The following SYT11 variants were observed in gnomAD, a reference collection of about 807,000 sequenced individuals.
SYT11 encodes synaptotagmin-11.
SYT11 carries 12 observed loss-of-function variants against 30.4 expected under a neutral mutation model. The observed-to-expected ratio is 0.39, with a 90% CI of 0.25 to 0.64. The LOEUF is 0.64. Ranked by LOEUF, SYT11 falls within the 30% of genes least tolerant of loss-of-function variation. SYT11 has a pLI of 0.45. For synonymous variants in SYT11, 204 were observed against 216.0 expected, an observed-to-expected ratio of 0.94 and a Z score of 0.49; for missense variants, 412 against 552.0, an observed-to-expected ratio of 0.75 and a Z score of 2.54.
At chr1:155,875,845 C>G (rs868591923) in intron 2 of SYT11, among the ~76,000 whole-genome samples, 6 of 152,284 alleles carry the variant, frequency 3.9e-5, no homozygotes, top group African/African-American at 1.4e-4. Flanking sequence ...AAAGCACAAA[C>G]TATTAGGCTT....
intron 1 of SYT11, among the ~76,000 whole-genome samples, 192 bp from the exon 2 acceptor site, chr1:155,867,773 G>A (rs893634941): frequency 9.2e-5 from 14 of 152,226 alleles, no homozygotes; most frequent in African/African-American, 1.2e-4. Context: ...AGGAAAAGCC[G>A]TGGAGTGGTT....
intron 2 of SYT11, 40 bp from the exon 3 acceptor site, chr1:155,880,460 C>T (rs374072157): frequency 2.9e-5 from 47 of 1,610,522 alleles, no homozygotes; most frequent in African/African-American, 2.7e-4. Context: ...CTGCCCTGCA[C>T]CCTCTGCCAG....
intron 2 of SYT11, among the ~76,000 whole-genome samples, chr1:155,874,613 G>A (rs920588358): frequency 6.7e-6 from 1 of 148,370 alleles, no homozygotes; most frequent in African/African-American, 2.5e-5. Context: ...AAATAAGGCC[G>A]GGCGCGGTGG....
Position 155,881,170 on chromosome 1 carries a change from C to A in SYT11, c.986-28C>A, listed in dbSNP as rs1172928831. 2.5e-6 allele frequency: 4 copies of A among 1,597,294 alleles called. No individual in the cohort carries two copies. The Admixed American group carries it at 6.9e-5, about 27-fold the overall frequency. ...AGGACTGTGTCATAGGTCTGTCTCC[C>A]TTTTTCTTATCTCTTTGGGGGCCCC... On this transcript the variant is annotated intron_variant, in intron 3 of 3. Coordinates refer to ENST00000368324, the MANE Select transcript of SYT11 (RefSeq NM_152280.5).
Position 155,868,820 on chromosome 1 carries a change from A to G in SYT11, c.861+29A>G. 1.3e-6 allele frequency: 2 copies of G among 1,583,844 alleles called. No individual in the cohort carries two copies. The highest frequency in any genetic ancestry group is 8.6e-7 in the Non-Finnish European group (1 of 1,160,440). On this transcript the variant is annotated intron_variant, in intron 2 of 3. Coordinates refer to ENST00000368324, the MANE Select transcript of SYT11 (RefSeq NM_152280.5). This position sits in a 1 kb window ranked among gnomAD's most constrained non-coding sequence, Gnocchi z 4.7. ...AGTAGGAAGTGTGTGTTGGGGAGCAATGGTAGGTTGGGGGAGAAAATATCT... is the reference window on the plus strand; with the variant it reads ...AGTAGGAAGTGTGTGTTGGGGAGCAGTGGTAGGTTGGGGGAGAAAATATCT...
intron 2 of SYT11, among the ~76,000 whole-genome samples, chr1:155,869,597 A>G (rs1375916876): frequency 6.6e-6 from 1 of 152,004 alleles, no homozygotes; most frequent in Non-Finnish European, 1.5e-5. Flanking sequence ...TCTTATGACC[A>G]TTTTACAATG....
Position 155,868,791 on chromosome 1 carries a change from G to T in SYT11, c.861G>T (p.Gln287His), listed in dbSNP as rs768542179. ...LTRDIIKRNI[Q>H]KCISRGELQV... Reference sequence around the variant, plus strand: ...GGGACATCATCAAAAGGAATATCCAGGTGAGTAGGAAGTGTGTGTTGGGGA... The same window carrying T: ...GGGACATCATCAAAAGGAATATCCATGTGAGTAGGAAGTGTGTGTTGGGGA... The change falls in exon 2 of 4, where the codon CAG becomes CAT. Residue 287 changes from glutamine to histidine, a missense_variant and splice_region_variant. Transcript: ENST00000368324. The surrounding 1 kb of genome is among the most constrained non-coding windows in gnomAD (Gnocchi z 4.7). 1 of 1,609,900 alleles carries T rather than the reference G, an allele frequency of 6.2e-7. No individual in the cohort carries two copies. The highest frequency in any genetic ancestry group is 8.5e-7 in the Non-Finnish European group (1 of 1,177,042).
intron 2 of SYT11, among the ~76,000 whole-genome samples, chr1:155,878,363 G>T (rs1395289594): frequency 1.3e-5 from 2 of 151,990 alleles, no homozygotes; most frequent in South Asian, 2.1e-4. Context: ...ACCTTTCCAG[G>T]TTCCTGACCT....
chr1:155,859,645 A>G lies in SYT11; in HGVS notation c.-117A>G. On this transcript the variant is annotated 5_prime_UTR_variant, in exon 1 of 4. Transcript: ENST00000368324. ...GACCGTCGCAGGAGGCGTCCGCTGG[A>G]TACCTTCCCCCTTCCCTGACCTAGA... 6 of 964,092 alleles carry G rather than the reference A, an allele frequency of 6.2e-6. No homozygotes were observed. The highest frequency in any genetic ancestry group is 1.0e-5 in the Non-Finnish European group (6 of 596,458). The allele number at this position is 964,092 out of a possible 1,614,324, so 59.7% of individuals were successfully genotyped here.
chr1:155,866,106 T>C (rs1030438240), intron 1 of SYT11, among the ~76,000 whole-genome samples: 5 of 123,516 alleles, frequency 4.0e-5, no homozygotes, highest in African/African-American at 1.4e-4. Context: ...TCTCTTTCTC[T>C]TTTTTTTTTC....
At chr1:155,867,683 A>G (rs1460125779) in intron 1 of SYT11, among the ~76,000 whole-genome samples, 2 of 152,214 alleles carry the variant, frequency 1.3e-5, no homozygotes, top group Non-Finnish European at 2.9e-5. Context: ...AACCAAGTCT[A>G]TAAGTGCTGA....
At chr1:155,877,526 A>G (rs1006035972) in intron 2 of SYT11, among the ~76,000 whole-genome samples, 3 of 151,470 alleles carry the variant, frequency 2.0e-5, no homozygotes, top group Non-Finnish European at 4.4e-5. Context: ...AGCTGGCTCT[A>G]TAGGCACACG....
In SYT11 at chr1:155,860,052, T is replaced by A. The variant is rs1353079323; in HGVS notation, c.34+257T>A. ...TCCAGGATGCTAAAACCTTGTATGG[T>A]GCACTGTCAGCACTGCTGGAGGTGA... is the stretch of plus-strand genomic sequence containing the variant. On this transcript the variant is annotated intron_variant, in intron 1 of 3. Transcript: ENST00000368324. The surrounding 1 kb of genome is among the most constrained non-coding windows in gnomAD (Gnocchi z 4.1). Among the ~76,000 whole-genome samples, 1 of 152,214 alleles carries A rather than the reference T, an allele frequency of 6.6e-6. No homozygotes were observed. Among genetic ancestry groups the A allele is most frequent in the East Asian group, 1.9e-4 (1 of 5,196 alleles).
intron 1 of SYT11, among the ~76,000 whole-genome samples, chr1:155,866,457 T>A (rs1223331802): frequency 6.6e-6 from 1 of 152,234 alleles, no homozygotes; most frequent in African/African-American, 2.4e-5. Flanking sequence ...ACATAGTGCC[T>A]GCTATGTGTT....
intron 2 of SYT11, among the ~76,000 whole-genome samples, chr1:155,879,098 G>C (rs1205005474): frequency 6.6e-6 from 1 of 151,874 alleles, no homozygotes; most frequent in South Asian, 2.1e-4. Flanking sequence ...CTGGCATGCA[G>C]TGCCTATGAA....
At chr1:155,879,280 G>T (rs1672923705) in intron 2 of SYT11, among the ~76,000 whole-genome samples, 2 of 152,080 alleles carry the variant, frequency 1.3e-5, no homozygotes, top group African/African-American at 4.8e-5. Flanking sequence ...AGCCGGGCAT[G>T]GTGGCGGGCA....
Position 155,859,925 on chromosome 1 carries a change from C to T in SYT11, c.34+130C>T. 6 of 910,950 alleles carry T rather than the reference C, an allele frequency of 6.6e-6. No homozygotes were observed. The South Asian group carries it at 8.1e-5, about 12-fold the overall frequency. 56.4% of individuals were successfully genotyped at this position (910,950 alleles called of 1,614,324 possible). On this transcript the variant is annotated intron_variant, in intron 1 of 3. Transcript: ENST00000368324. ...AATGCCAGCCCCACTAAAATCGGGCCTGTGGTGGTGGGTAGTGGGTAGTGG... is the reference window on the plus strand; with the variant it reads ...AATGCCAGCCCCACTAAAATCGGGCTTGTGGTGGTGGGTAGTGGGTAGTGG...
chr1:155,878,998 A>T (rs753035721), intron 2 of SYT11, among the ~76,000 whole-genome samples: 3 of 152,172 alleles, frequency 2.0e-5, no homozygotes, highest in Non-Finnish European at 4.4e-5. Context: ...CAAGTCCCGC[A>T]CAGGTTTATT....
rs370503196 is a variant in SYT11, at chr1:155,881,256, C to T, written c.1044C>T (p.Thr348=). 230 of 1,614,002 alleles carry T rather than the reference C, an allele frequency of 1.4e-4. No individual in the cohort carries two copies. Among genetic ancestry groups the T allele is most frequent in the Non-Finnish European group, 1.8e-4 (210 of 1,180,024 alleles). Residue 348 remains threonine, a synonymous_variant, in exon 4 of 4, where the codon ACC becomes ACT. Transcript: ENST00000368324. ...GAAAGCGCATTGCCAAGAAGAAAACCCATGTGAAGAAGTGCACTTTGAACC... is the reference window on the plus strand; with the variant it reads ...GAAAGCGCATTGCCAAGAAGAAAACTCATGTGAAGAAGTGCACTTTGAACC... The part of the protein sequence containing the change: ...YGRKRIAKKK[T]HVKKCTLNPI...
Sources: allele counts gnomAD v4.1 joint callset (sites outside exome capture counted in the v4.1 genomes callset), GRCh38; gene constraint gnomAD v4.1.1; non-coding constraint Gnocchi (gnomAD v3.1); transcripts MANE v1.5; gene names NCBI Gene and HGNC (gene_info 2026-07-23, HGNC 2026-07-21).